TTC7B: variants seen among roughly 807,000 people sequenced by gnomAD.
TTC7B encodes the protein tetratricopeptide repeat domain 7B.
In TTC7B, 28 loss-of-function variants were observed where a neutral mutation model predicts 106.8. That is an observed-to-expected ratio of 0.26 (90% confidence interval 0.19 to 0.36). The LOEUF (loss-of-function observed/expected upper bound fraction) is 0.36, where lower values mean the gene tolerates loss of function less well. Ranked by LOEUF, TTC7B falls within the 10% of genes least tolerant of loss-of-function variation. The pLI is 1.00. For synonymous variants in TTC7B, 405 were observed against 430.6 expected, an observed-to-expected ratio of 0.94 and a Z score of 0.74; for missense variants, 862 against 1,076.4, an observed-to-expected ratio of 0.80 and a Z score of 2.79.
chr14:90,781,593 C>A (rs963010500), intron 2 of TTC7B, among the ~76,000 whole-genome samples: 2 of 152,176 alleles, frequency 1.3e-5, no homozygotes, highest in African/African-American at 4.8e-5. Context: ...GAAAAGGAAG[C>A]GGCCAGACAT....
intron 5 of TTC7B, among the ~76,000 whole-genome samples, chr14:90,700,371 C>A (rs923964896): frequency 7.9e-5 from 12 of 152,126 alleles, no homozygotes; most frequent in African/African-American, 2.7e-4. Context: ...GCACTTTATA[C>A]CTTTCCATAC....
chr14:90,544,901 T>G (rs893090680), intron 19 of TTC7B, among the ~76,000 whole-genome samples: 3 of 152,220 alleles, frequency 2.0e-5, no homozygotes, highest in African/African-American at 7.2e-5. Context: ...AGTAAGCCAC[T>G]GTGCTTACTT....
chr14:90,793,597 G>GT (rs1222585631), intron 1 of TTC7B, among the ~76,000 whole-genome samples: 2 of 137,434 alleles, frequency 1.5e-5, no homozygotes, highest in East Asian at 2.1e-4. Flanking sequence ...TTGTTTGTTT[G>GT]TTTTTTTCTT....
At chr14:90,666,602 C>G (rs1886420126) in intron 9 of TTC7B, among the ~76,000 whole-genome samples, 2 of 152,212 alleles carry the variant, frequency 1.3e-5, no homozygotes, top group Non-Finnish European at 2.9e-5. Flanking sequence ...CTCCTTGCCC[C>G]AAGTTTGGAG....
At chr14:90,680,326 C>T (rs12147094) in intron 8 of TTC7B, 146 bp downstream of exon 8, 93,474 of 607,434 alleles carry the variant, frequency 0.15, 8,021 homozygotes, top group Middle Eastern at 0.2. Flanking sequence ...TCTTTTTAAA[C>T]CTCTACTGTT....
intron 17 of TTC7B, among the ~76,000 whole-genome samples, chr14:90,610,306 A>G (rs777810802): frequency 6.6e-6 from 1 of 152,172 alleles, no homozygotes; most frequent in African/African-American, 2.4e-5. Flanking sequence ...CCACATGGGG[A>G]CAGTGGAACC....
At chr14:90,773,825 C>G (rs1288745810) in intron 3 of TTC7B, among the ~76,000 whole-genome samples, 1 of 152,202 alleles carries the variant, frequency 6.6e-6, no homozygotes, top group Non-Finnish European at 1.5e-5. Flanking sequence ...TGCTCTTCCC[C>G]CAAAAAGCCC....
At chr14:90,595,035 A>G (rs1357497182) in intron 17 of TTC7B, among the ~76,000 whole-genome samples, 4 of 152,208 alleles carry the variant, frequency 2.6e-5, no homozygotes, top group Non-Finnish European at 4.4e-5. Context: ...TCAGAGGCTG[A>G]GTTAAAAGAG....
At chr14:90,730,401 C>G (rs984559259) in intron 4 of TTC7B, among the ~76,000 whole-genome samples, 7 of 152,166 alleles carry the variant, frequency 4.6e-5, no homozygotes, top group African/African-American at 1.7e-4. Context: ...AACCCAGGGG[C>G]ACACAGGGCC....
chr14:90,792,567 A>C (rs1369561361), intron 1 of TTC7B, among the ~76,000 whole-genome samples: 1 of 152,060 alleles, frequency 6.6e-6, no homozygotes, highest in East Asian at 1.9e-4. Flanking sequence ...GCAGAGCAAG[A>C]CTCTGTCTCA....
intron 1 of TTC7B, among the ~76,000 whole-genome samples, chr14:90,791,431 C>T (rs1286341): frequency 0.88 from 133,432 of 152,224 alleles, 59,638 homozygotes; most frequent in Middle Eastern, 0.97. Flanking sequence ...AGGGTTAGGG[C>T]GGTCATTGCC....
At chr14:90,659,957 C>T (rs974601670) in intron 9 of TTC7B, among the ~76,000 whole-genome samples, 2 of 152,132 alleles carry the variant, frequency 1.3e-5, no homozygotes, top group African/African-American at 2.4e-5. Context: ...AGGCCTTCTC[C>T]TACAGAGGCA....
rs34070744 is a variant in TTC7B at position 90,802,969 on chromosome 14, TA to T, written c.121+13205del. The stretch of plus-strand genomic sequence containing the variant: ...CAACATGGTGAAACCCCATCTCTGC[TA>T]AAAAAAAAAAAAAATACAAAAAATT... On this transcript the variant is annotated intron_variant, in intron 1 of 19. Transcript: ENST00000328459. The surrounding 1 kb of genome is among the most constrained non-coding windows in gnomAD (Gnocchi z 4.7). Among the ~76,000 whole-genome samples the T allele has an allele frequency of 6.4e-4, 90 of 141,418 alleles. No individual in the cohort carries two copies. The highest frequency in any genetic ancestry group is 5.3e-4 in the African/African-American group (20 of 38,000). 92.8% of individuals were successfully genotyped at this position (141,418 alleles called of 152,430 possible). A position where few individuals can be genotyped will look rare whatever the true frequency, so the allele number is the denominator to read the frequency against.
chr14:90,726,016 G>T (rs1390424873), intron 5 of TTC7B, among the ~76,000 whole-genome samples: 1 of 152,252 alleles, frequency 6.6e-6, no homozygotes, highest in Non-Finnish European at 1.5e-5. Context: ...CAAGGCAGGA[G>T]GATCACTTGA....
chr14:90,694,308 A>T (rs895299529), intron 6 of TTC7B, among the ~76,000 whole-genome samples: 2 of 152,194 alleles, frequency 1.3e-5, no homozygotes, highest in Admixed American at 6.5e-5. Context: ...GCAAATCCAT[A>T]GAAACAGAAA....
Position 90,778,880 on chromosome 14 carries a change from A to C in TTC7B, c.445+1858T>G, listed in dbSNP as rs1175643270. 2.6e-5 allele frequency among the ~76,000 whole-genome samples: 4 copies of C among 152,200 alleles called. No individual in the cohort carries two copies. The East Asian group carries it at 7.7e-4, about 29-fold the overall frequency. The stretch of plus-strand genomic sequence containing the variant: ...CAAGGGTCCCCAGGGAACTGGGTGA[A>C]TATATCACCCCCTTCACAAAGCTCT... On this transcript the variant is annotated intron_variant, in intron 3 of 19. Transcript: ENST00000328459.
At chr14:90,688,389 A>G (rs954388137) in intron 7 of TTC7B, among the ~76,000 whole-genome samples, 5 of 152,004 alleles carry the variant, frequency 3.3e-5, no homozygotes, top group African/African-American at 1.2e-4. Context: ...CTTTGGGAGG[A>G]CAAGGCGGGT....
At position 90,605,260 on chromosome 14, in the gene TTC7B, G is replaced by A. The variant is rs1010558260; in HGVS notation, c.1966+5482C>T. Reference sequence around the variant, plus strand: ...AACGGGAGTTTTTGCGCAAAATGTCGTAATTTGCCTTTTAATAGGATTTTT... The same window carrying A: ...AACGGGAGTTTTTGCGCAAAATGTCATAATTTGCCTTTTAATAGGATTTTT... On this transcript the variant is annotated intron_variant, in intron 17 of 19. Transcript: ENST00000328459. 1.2e-4 allele frequency among the ~76,000 whole-genome samples: 18 copies of A among 152,036 alleles called. No homozygotes were observed. The East Asian group carries it at 1.5e-3, about 13-fold the overall frequency.
chr14:90,683,678 C>T (rs1262184478), intron 7 of TTC7B, among the ~76,000 whole-genome samples: 1 of 152,062 alleles, frequency 6.6e-6, no homozygotes, highest in Non-Finnish European at 1.5e-5. Context: ...CAGTGCAGGT[C>T]CACTGGGCTA....
Sources: allele counts gnomAD v4.1 joint callset (sites outside exome capture counted in the v4.1 genomes callset), GRCh38; gene constraint gnomAD v4.1.1; non-coding constraint Gnocchi (gnomAD v3.1); transcripts MANE v1.5; gene names NCBI Gene and HGNC (gene_info 2026-07-23, HGNC 2026-07-21).